Variants in CIDEA observed in about 807,000 individuals in gnomAD.
CIDEA encodes cell death inducing DFFA like effector a.
Under a neutral mutation model 18.2 loss-of-function variants are expected in CIDEA, and 10 were observed. The observed-to-expected ratio is 0.55, with a 90% CI of 0.34 to 0.93. The LOEUF (loss-of-function observed/expected upper bound fraction) is 0.93, where lower values mean the gene tolerates loss of function less well. Among genes scored for constraint, CIDEA ranks in the 40% least tolerant of loss-of-function variants. The pLI, the probability that CIDEA is intolerant of heterozygous loss-of-function variation, is 0.02. For missense variants in CIDEA, 309 were observed against 293.1 expected, an observed-to-expected ratio of 1.05 and a Z score of -0.40; for synonymous variants, 128 against 124.8, an observed-to-expected ratio of 1.03 and a Z score of -0.17.
chr18:12,277,275 G>A lies in CIDEA; in HGVS notation c.*5G>A, dbSNP rs1465038022. ...GGCAGGTTCACGTGTGGATAGGGATGCAGGCTGTCGCCGGCTCTTGAGCCA... is the reference window on the plus strand; with the variant it reads ...GGCAGGTTCACGTGTGGATAGGGATACAGGCTGTCGCCGGCTCTTGAGCCA... On this transcript the variant is annotated 3_prime_UTR_variant, in exon 5 of 5. Transcript: ENST00000320477. 2.5e-6 allele frequency: 4 copies of A among 1,614,092 alleles called. No homozygotes were observed. The Admixed American group carries it at 6.7e-5, about 27-fold the overall frequency.
intron 1 of CIDEA, among the ~76,000 whole-genome samples, chr18:12,256,852 A>G (rs148911483): frequency 9.3e-4 from 142 of 152,334 alleles, no homozygotes; most frequent in African/African-American, 3.2e-3. Flanking sequence ...CTTCATGGTC[A>G]TGTATTGAAC....
rs940326978 is a variant in CIDEA at position 12,274,028 on chromosome 18, G to A, written c.331-65G>A. The A allele has an allele frequency of 1.3e-5, 20 of 1,555,482 alleles. No homozygotes were observed. In the Admixed American group the frequency reaches 3.3e-4, roughly 26 times the overall value. On this transcript the variant is annotated intron_variant, in intron 3 of 4. Transcript: ENST00000320477. The stretch of plus-strand genomic sequence containing the variant: ...AGGAGAATCTGAAGCTGGCATAAGA[G>A]CAGAGTGATGACGTGGGAGGGTTAG...
At chr18:12,255,269 G>A (rs1337655764) in intron 1 of CIDEA, among the ~76,000 whole-genome samples, 1 of 152,216 alleles carries the variant, frequency 6.6e-6, no homozygotes, top group Non-Finnish European at 1.5e-5. Context: ...ACCATTTGCG[G>A]GCTTGAAGGT....
At chr18:12,256,934 G>C (rs1470985835) in intron 1 of CIDEA, among the ~76,000 whole-genome samples, 2 of 152,162 alleles carry the variant, frequency 1.3e-5, no homozygotes, top group African/African-American at 4.8e-5. Flanking sequence ...TTGTCGGGGC[G>C]AGTTTATCTG....
intron 3 of CIDEA, among the ~76,000 whole-genome samples, chr18:12,272,502 C>T (rs892686483): frequency 6.6e-6 from 1 of 151,350 alleles, no homozygotes; most frequent in African/African-American, 2.4e-5. Context: ...TGTGCACCAC[C>T]ATGCCCGGCT....
intron 1 of CIDEA, among the ~76,000 whole-genome samples, chr18:12,259,106 G>C (rs1428390487): frequency 6.6e-6 from 1 of 152,214 alleles, no homozygotes; most frequent in Non-Finnish European, 1.5e-5. Context: ...GGCCGCGTTG[G>C]TGCACAGCCC....
chr18:12,273,902 G>T (rs771513474), intron 3 of CIDEA, among the ~76,000 whole-genome samples, 191 bp from the exon 4 acceptor site: 15 of 152,176 alleles, frequency 9.9e-5, no homozygotes, highest in Non-Finnish European at 1.9e-4. Context: ...GACGCCTCGT[G>T]GCTAATTGGA....
chr18:12,272,180 T>TGGGGGGG (rs1912567447), intron 3 of CIDEA, among the ~76,000 whole-genome samples: 1 of 59,144 alleles, frequency 1.7e-5, no homozygotes, highest in African/African-American at 7.0e-5. Flanking sequence ...GGGTTGTTGT[T>TGGGGGGG]GTTGTTGTTG....
At chr18:12,255,612 G>C (rs1262952283) in intron 1 of CIDEA, among the ~76,000 whole-genome samples, 10 of 152,166 alleles carry the variant, frequency 6.6e-5, no homozygotes, top group African/African-American at 2.4e-4. Flanking sequence ...TTCCAGGAGG[G>C]GAGGTCTTAG....
rs942781501 is a variant in CIDEA, at chr18:12,277,325, T to C, written c.*55T>C. ...AAACACTGTGTTTCGTTTGGCTCAATGACGAATGTTGAAGATGCTTTTATG... is the reference window on the plus strand; with the variant it reads ...AAACACTGTGTTTCGTTTGGCTCAACGACGAATGTTGAAGATGCTTTTATG... On this transcript the variant is annotated 3_prime_UTR_variant, in exon 5 of 5. Transcript: ENST00000320477. The C allele has an allele frequency of 2.5e-6, 4 of 1,592,960 alleles. No homozygotes were observed. In the African/African-American group the frequency reaches 5.4e-5, roughly 21 times the overall value.
At position 12,275,993 on chromosome 18, in the gene CIDEA, C is replaced by CTTTTTTT. The variant is rs149108439; in HGVS notation, c.513-1128_513-1127insTTTTTTT. Among the ~76,000 whole-genome samples, 60 of 129,670 alleles carry CTTTTTTT rather than the reference C, an allele frequency of 4.6e-4. 9 individuals carry two copies. Among genetic ancestry groups the CTTTTTTT allele is most frequent in the East Asian group, 9.0e-4 (4 of 4,456 alleles). 85.1% of individuals were successfully genotyped at this position (129,670 alleles called of 152,430 possible). Reference sequence around the variant, plus strand: ...GTGAAATCTTTTTTCTTTTTCTTTTCTTATTTTTTTTCTTTTTTGAGACGG... The same window carrying CTTTTTTT: ...GTGAAATCTTTTTTCTTTTTCTTTTCTTTTTTTTTATTTTTTTTCTTTTTTGAGACGG... On this transcript the variant is annotated intron_variant, in intron 4 of 4. Coordinates refer to ENST00000320477, the MANE Select transcript of CIDEA (RefSeq NM_001279.4).
chr18:12,263,510 T>G (rs1912256515), intron 2 of CIDEA: 1 of 152,374 alleles, frequency 6.6e-6, no homozygotes, highest in African/African-American at 2.4e-5. Context: ...AGGGGAACAT[T>G]ACATCTCTGT....
At position 12,262,930 on chromosome 18, in the gene CIDEA, TG is replaced by T; in HGVS notation, c.148del (p.Val50Ter). The T allele has an allele frequency of 6.2e-7, 1 of 1,614,044 alleles. No homozygotes were observed. Among genetic ancestry groups the T allele is most frequent in the Non-Finnish European group, 8.5e-7 (1 of 1,180,022 alleles). ...VSNHDRSSRR[G>X]VMASSLQELI... ...CCAACCATGACAGGAGCAGCCGGCG[TG>T]GGGTGATGGCAAGCAGCCTGCAGGA... is the stretch of plus-strand genomic sequence containing the variant. On this transcript the variant is annotated frameshift_variant, in exon 2 of 5. Coordinates refer to ENST00000320477, the MANE Select transcript of CIDEA (RefSeq NM_001279.4). LOFTEE classifies it high-confidence loss of function.
chr18:12,264,440 A>C lies in CIDEA; in HGVS notation c.317A>C (p.Gln106Pro). 3 of 1,613,848 alleles carry C rather than the reference A, an allele frequency of 1.9e-6. No individual in the cohort carries two copies. Among genetic ancestry groups the C allele is most frequent in the South Asian group, 1.1e-5 (1 of 90,992 alleles). Residue 106 changes from glutamine (Q) to proline (P), a missense_variant, in exon 3 of 5, where the codon CAG becomes CCG. Gln to Pro is a moderately conservative substitution (Grantham distance 76). Transcript: ENST00000320477. ...NTHFMILEKG[Q>P]KWMPGSQHVP... ...CATTTCATGATCTTGGAAAAAGGAC[A>C]GAAGTGGATGCCGGTAAGCAAAAAC...
intron 2 of CIDEA, among the ~76,000 whole-genome samples, chr18:12,263,175 T>G (rs1351754982): frequency 6.6e-6 from 1 of 152,210 alleles, no homozygotes; most frequent in Non-Finnish European, 1.5e-5. Flanking sequence ...GACAGGATCT[T>G]GCCATGTGGC....
intron 1 of CIDEA, chr18:12,254,999 C>A: frequency 1.7e-6 from 2 of 1,156,708 alleles, no homozygotes; most frequent in Non-Finnish European, 1.1e-6. Flanking sequence ...CCTCCGGGTC[C>A]AAGGGCGGAG....
chr18:12,258,674 G>C (rs1912106182), intron 1 of CIDEA, among the ~76,000 whole-genome samples: 1 of 152,226 alleles, frequency 6.6e-6, no homozygotes, highest in South Asian at 2.1e-4. Flanking sequence ...GTGGAAGCCG[G>C]AGCTGGATTC....
chr18:12,254,704 C>A lies in CIDEA; in HGVS notation c.38+283C>A, dbSNP rs150635539. The A allele has an allele frequency of 1.1e-5, 17 of 1,494,722 alleles. No individual in the cohort carries two copies. In the South Asian group the frequency reaches 1.6e-4, roughly 14 times the overall value. 92.6% of individuals were successfully genotyped at this position (1,494,722 alleles called of 1,614,324 possible). A position where few individuals can be genotyped will look rare whatever the true frequency, so the allele number is the denominator to read the frequency against. On this transcript the variant is annotated intron_variant, in intron 1 of 4. Coordinates refer to ENST00000320477, the MANE Select transcript of CIDEA (RefSeq NM_001279.4). ...GTGTGGCTCTTGCGAGGTGCGCGGG[C>A]GTCTGCAAACCAGGTGACAGCTGGC...
intron 3 of CIDEA, among the ~76,000 whole-genome samples, chr18:12,272,149 T>TGTGGGCG (rs1555662634): frequency 1.3e-4 from 1 of 7,480 alleles, no homozygotes; most frequent in African/African-American, 4.9e-4. Context: ...AGTGTGTGTG[T>TGTGGGCG]GGGGGGGGGG....
Sources: gnomAD v4.1 joint callset for allele counts (sites outside exome capture counted in the v4.1 genomes callset) on GRCh38, gnomAD v4.1.1 for gene constraint, MANE v1.5 for transcripts, NCBI Gene and HGNC (gene_info 2026-07-23, HGNC 2026-07-21) for gene names.